SYT14: variants seen among roughly 807,000 people sequenced by gnomAD.
SYT14 encodes synaptotagmin-14.
In SYT14, 32 loss-of-function variants were observed where a neutral mutation model predicts 74.2. The observed-to-expected ratio is 0.43, with a 90% CI of 0.33 to 0.58. The LOEUF (loss-of-function observed/expected upper bound fraction) is 0.58, where lower values mean the gene tolerates loss of function less well. SYT14 is among the 20% of genes least tolerant of loss of function. The probability of loss-of-function intolerance (pLI) is 0.05; values close to 1 mark genes in which losing one functional copy is unlikely to be tolerated. For synonymous variants in SYT14, 298 were observed against 337.7 expected (o/e 0.88, Z 1.29); for missense variants, 791 against 981.8 (o/e 0.81, Z 2.60).
At chr1:210,036,487 A>G (rs1397026616) in intron 5 of SYT14, among the ~76,000 whole-genome samples, 2 of 152,084 alleles carry the variant, frequency 1.3e-5, no homozygotes, top group African/African-American at 2.4e-5. Context: ...GGAGTGGAGA[A>G]AGTGGGCATC....
intron 7 of SYT14, among the ~76,000 whole-genome samples, chr1:210,111,558 T>G (rs2082262353): frequency 6.6e-6 from 1 of 151,246 alleles, no homozygotes; most frequent in South Asian, 2.1e-4. Context: ...TTCTCAGGGC[T>G]GCTTCGAGCG....
At chr1:210,094,525 G>A (rs760021501) in exon 6 of SYT14, 3 of 1,613,166 alleles carry the variant, frequency 1.9e-6, no homozygotes, top group East Asian at 4.5e-5. Context: ...TCATGAAATA[G>A]AAAGTTTTCA....
chr1:210,099,599 T>C (rs1164269115), intron 6 of SYT14, among the ~76,000 whole-genome samples: 1 of 152,192 alleles, frequency 6.6e-6, no homozygotes, highest in African/African-American at 2.4e-5. Context: ...CGTTATACTT[T>C]TATTTATGTT....
At chr1:210,084,316 G>C (rs968643152) in intron 5 of SYT14, among the ~76,000 whole-genome samples, 1 of 152,190 alleles carries the variant, frequency 6.6e-6, no homozygotes, top group African/African-American at 2.4e-5. Flanking sequence ...TTGTCTCCTT[G>C]TTAGGAAACA....
chr1:209,969,768 C>T (rs1021458407), intron 2 of SYT14, among the ~76,000 whole-genome samples: 3 of 151,962 alleles, frequency 2.0e-5, no homozygotes, highest in Non-Finnish European at 2.9e-5. Context: ...CGTGAGCCAC[C>T]GTGCCTGGCC....
chr1:209,964,115 A>G (rs2079117691), intron 2 of SYT14, among the ~76,000 whole-genome samples: 1 of 151,998 alleles, frequency 6.6e-6, no homozygotes, highest in South Asian at 2.1e-4. Context: ...ACCAGGTGGG[A>G]GGTGATTGGA....
exon 4 of SYT14, chr1:210,016,639 G>A (rs1178668901): frequency 1.6e-6 from 2 of 1,231,720 alleles, no homozygotes; most frequent in East Asian, 3.2e-5. Flanking sequence ...AATTGTATGA[G>A]CAAAAGAAAT....
At chr1:210,029,553 CA>C in intron 5 of SYT14, among the ~76,000 whole-genome samples, 1 of 152,230 alleles carries the variant, frequency 6.6e-6, no homozygotes, top group East Asian at 1.9e-4. Context: ...GGTCCCCTGT[CA>C]AAAATCATTT....
intron 5 of SYT14, among the ~76,000 whole-genome samples, chr1:210,026,605 T>TACACACACACACAC (rs368072216): frequency 8.7e-5 from 12 of 138,268 alleles, no homozygotes; most frequent in South Asian, 2.5e-4. Context: ...GTATATAGCT[T>TACACACACACACAC]ACACACACAC....
At position 210,136,906 on chromosome 1, in the gene SYT14, TAGGGTAC is replaced by T. The variant is rs144003261; in HGVS notation, c.2035-18810_2035-18804del. On this transcript the variant is annotated intron_variant, in intron 7 of 9. Transcript: ENST00000637265. ...AAGTCACATTAAGTCAGAGAGATGT[TAGGGTAC>T]AGGGGAATCTGTGAGCCAGGTGGAA... Among the ~76,000 whole-genome samples, 2,461 of 152,118 alleles carry T rather than the reference TAGGGTAC, an allele frequency of 0.016. 201 individuals are homozygous for T. In the East Asian group the frequency reaches 0.26, roughly 16 times the overall value.
At chr1:209,965,715 A>T (rs1041739532) in intron 2 of SYT14, among the ~76,000 whole-genome samples, 8 of 152,148 alleles carry the variant, frequency 5.3e-5, no homozygotes, top group African/African-American at 1.7e-4. Context: ...ATTTTGAGTT[A>T]GTTTTTATGT....
intron 5 of SYT14, among the ~76,000 whole-genome samples, chr1:210,089,942 C>T (rs535761379): frequency 2.6e-5 from 4 of 152,320 alleles, no homozygotes; most frequent in Admixed American, 6.5e-5. Context: ...TAACCTCTAG[C>T]GGTTTCCCAT....
chr1:210,126,483 G>A (rs934161163), intron 7 of SYT14, among the ~76,000 whole-genome samples: 3 of 152,036 alleles, frequency 2.0e-5, no homozygotes, highest in Non-Finnish European at 4.4e-5. Flanking sequence ...TTATATCTTT[G>A]TAACACTAAA....
At chr1:210,039,607 A>T (rs1416461923) in intron 5 of SYT14, among the ~76,000 whole-genome samples, 1 of 152,130 alleles carries the variant, frequency 6.6e-6, no homozygotes, top group African/African-American at 2.4e-5. Context: ...ACCCTACAGG[A>T]TGGGAGAAAA....
chr1:209,974,038 G>A (rs932874881), intron 2 of SYT14, among the ~76,000 whole-genome samples: 11 of 151,400 alleles, frequency 7.3e-5, no homozygotes, highest in African/African-American at 2.7e-4. Flanking sequence ...CATATCCTTC[G>A]CCCACTTTTT....
chr1:210,045,130 C>A (rs79894762), intron 5 of SYT14, among the ~76,000 whole-genome samples: 2,574 of 152,164 alleles, frequency 0.017, 31 homozygotes, highest in Non-Finnish European at 0.028. Context: ...GGTATTTAGA[C>A]TTGAATAGAC....
chr1:210,118,788 T>A (rs572871025), intron 7 of SYT14, among the ~76,000 whole-genome samples: 2 of 152,342 alleles, frequency 1.3e-5, no homozygotes, highest in East Asian at 3.9e-4. Flanking sequence ...TTTATTATCT[T>A]ACCATTTGGT....
At chr1:210,121,304 AT>A (rs1229735067) in intron 7 of SYT14, among the ~76,000 whole-genome samples, 1 of 152,176 alleles carries the variant, frequency 6.6e-6, no homozygotes, top group Non-Finnish European at 1.5e-5. Context: ...GGTAATCTTA[AT>A]TAGATACTAG....
chr1:210,002,793 T>TA (rs1414999476), intron 2 of SYT14, among the ~76,000 whole-genome samples: 3 of 152,146 alleles, frequency 2.0e-5, no homozygotes, highest in South Asian at 2.1e-4. Flanking sequence ...GTGCTGTCTT[T>TA]AAAAAAATGT....
Sources: gnomAD v4.1 joint callset for allele counts (sites outside exome capture counted in the v4.1 genomes callset) on GRCh38, gnomAD v4.1.1 for gene constraint, MANE v1.5 for transcripts, NCBI Gene and HGNC (gene_info 2026-07-23, HGNC 2026-07-21) for gene names.